Variants in ZNG1B observed in about 807,000 individuals in gnomAD.
ZNG1B encodes Zn regulated GTPase metalloprotein activator 1B.
chr2:113,494,773 T>C, the ZNG1B span: 1 of 759,514 alleles, frequency 1.3e-6, no homozygotes, highest in Non-Finnish European at 1.6e-6. Flanking sequence ...AAACATTATA[T>C]AAAATCTTTA....
the ZNG1B span, among the ~76,000 whole-genome samples, chr2:113,476,548 C>G: frequency 2.1e-5 from 3 of 143,314 alleles, no homozygotes; most frequent in Non-Finnish European, 3.0e-5. Context: ...TGCGTTCCTT[C>G]GGAGGAGGAG....
the ZNG1B span, among the ~76,000 whole-genome samples, chr2:113,477,290 G>A: frequency 5.9e-5 from 9 of 152,236 alleles, no homozygotes; most frequent in East Asian, 1.9e-4. Flanking sequence ...TCCAGGTGCC[G>A]TCTGTCACCC....
the ZNG1B span, chr2:113,444,171 G>A: frequency 4.2e-6 from 2 of 477,470 alleles, no homozygotes; most frequent in African/African-American, 1.9e-5. Flanking sequence ...TCTGTCATTG[G>A]TCATATTTCT....
At chr2:113,454,436 G>GT in the ZNG1B span, among the ~76,000 whole-genome samples, 1 of 150,136 alleles carries the variant, frequency 6.7e-6, no homozygotes, top group African/African-American at 2.4e-5. Context: ...TTATATTTTG[G>GT]ATTGTAAGCT....
the ZNG1B span, chr2:113,441,449 T>A: frequency 6.2e-7 from 1 of 1,600,836 alleles, no homozygotes; most frequent in East Asian, 2.2e-5. Flanking sequence ...TAAGTAAAGT[T>A]CAATAAATGT....
chr2:113,487,946 T>A, the ZNG1B span, among the ~76,000 whole-genome samples: 1 of 152,112 alleles, frequency 6.6e-6, no homozygotes, highest in South Asian at 2.1e-4. Context: ...CAGTGGAGAT[T>A]AAATATCTCA....
the ZNG1B span, chr2:113,438,043 CA>C: frequency 6.2e-7 from 1 of 1,611,828 alleles, no homozygotes; most frequent in Non-Finnish European, 8.5e-7. Context: ...ATCCCAGTCA[CA>C]AAATGGCGTG....
chr2:113,477,180 C>T, the ZNG1B span, among the ~76,000 whole-genome samples: 3 of 152,226 alleles, frequency 2.0e-5, no homozygotes, highest in South Asian at 4.1e-4. Context: ...ACTCCGTGGG[C>T]GTGGGACCCT....
At chr2:113,444,655 TGTTG>T in the ZNG1B span, among the ~76,000 whole-genome samples, 1 of 152,078 alleles carries the variant, frequency 6.6e-6, no homozygotes, top group Non-Finnish European at 1.5e-5. Flanking sequence ...TTATTTTGTA[TGTTG>T]GTTTTTAAAA....
chr2:113,446,688 G>A, the ZNG1B span, among the ~76,000 whole-genome samples: 5 of 151,146 alleles, frequency 3.3e-5, no homozygotes, highest in African/African-American at 9.7e-5. Flanking sequence ...CGGAGGTTGC[G>A]GTGAGCCGAG....
At chr2:113,442,771 G>A in the ZNG1B span, among the ~76,000 whole-genome samples, 2 of 152,078 alleles carry the variant, frequency 1.3e-5, no homozygotes, top group African/African-American at 2.4e-5. Flanking sequence ...TAAAAAATAC[G>A]TAAGTGTAAA....
chr2:113,446,815 T>TACAC, the ZNG1B span, among the ~76,000 whole-genome samples: 1 of 146,620 alleles, frequency 6.8e-6, no homozygotes, highest in Non-Finnish European at 1.5e-5. Context: ...CACACATTCA[T>TACAC]ACACACACAC....
the ZNG1B span, chr2:113,439,162 T>G: frequency 0.041 from 50,459 of 1,234,118 alleles, 1,160 homozygotes; most frequent in Non-Finnish European, 0.047. Context: ...AGCTCAGGAG[T>G]GAGAATTAAT....
chr2:113,488,241 G>A, the ZNG1B span, among the ~76,000 whole-genome samples: 1,902 of 152,240 alleles, frequency 0.012, 45 homozygotes, highest in African/African-American at 0.044. Context: ...TAGACTTGCT[G>A]GGTGGCTGGA....
At chr2:113,463,453 A>G in the ZNG1B span, among the ~76,000 whole-genome samples, 1 of 152,222 alleles carries the variant, frequency 6.6e-6, no homozygotes, top group Admixed American at 6.5e-5. Flanking sequence ...GCTAAGGCTC[A>G]TTAGGAGATT....
At chr2:113,472,531 T>A in the ZNG1B span, among the ~76,000 whole-genome samples, 1 of 151,994 alleles carries the variant, frequency 6.6e-6, no homozygotes, top group Non-Finnish European at 1.5e-5. Flanking sequence ...TGCCATTGCT[T>A]TTGGTGTTTT....
the ZNG1B span, among the ~76,000 whole-genome samples, chr2:113,459,403 T>A: frequency 0.22 from 32,024 of 144,178 alleles, 3,826 homozygotes; most frequent in East Asian, 0.51. Context: ...TCTCCCCATG[T>A]ATTATGAAAC....
chr2:113,464,996 T>A, the ZNG1B span: 1 of 389,078 alleles, frequency 2.6e-6, no homozygotes, highest in East Asian at 4.9e-5. Context: ...TTTCTGTTTT[T>A]AATTTTTTTC....
chr2:113,477,571 G>A, the ZNG1B span, among the ~76,000 whole-genome samples: 1 of 152,192 alleles, frequency 6.6e-6, no homozygotes, highest in African/African-American at 2.4e-5. Flanking sequence ...TAATGGATTA[G>A]TTTTCTGCCT....
Sources: allele counts gnomAD v4.1 joint callset (sites outside exome capture counted in the v4.1 genomes callset), GRCh38; gene constraint gnomAD v4.1.1; transcripts MANE v1.5; gene names NCBI Gene and HGNC (gene_info 2026-07-23, HGNC 2026-07-21).